Variants in CPXM2 observed in about 807,000 individuals in gnomAD.
CPXM2 encodes carboxypeptidase X, M14 family member 2, also known as inactive carboxypeptidase-like protein X2.
CPXM2 carries 66 observed loss-of-function variants against 86.1 expected under a neutral mutation model. That is an observed-to-expected ratio of 0.77 (90% CI 0.63 to 0.94). The LOEUF is 0.94. Among genes scored for constraint, CPXM2 ranks in the 40% least tolerant of loss-of-function variants. CPXM2 has a pLI of 0.00. For synonymous variants in CPXM2, 388 were observed against 400.2 expected, an observed-to-expected ratio of 0.97 and a Z score of 0.36; for missense variants, 948 against 1,026.3, an observed-to-expected ratio of 0.92 and a Z score of 1.04.
chr10:123,894,142 C>T (rs1945314587), upstream of CPXM2, among the ~76,000 whole-genome samples: 1 of 152,240 alleles, frequency 6.6e-6, no homozygotes, highest in Non-Finnish European at 1.5e-5. Context: ...ACTAACCCTG[C>T]TCTGCTGCCT....
At chr10:123,933,489 G>A (rs1378122432) in intron 2 of CPXM2, among the ~76,000 whole-genome samples, 5 of 152,068 alleles carry the variant, frequency 3.3e-5, no homozygotes, top group Admixed American at 2.0e-4. Context: ...AGGCCAAGGT[G>A]GGCGGGTCAC....
At chr10:123,900,811 C>G (rs1945375423) in intron 2 of CPXM2, among the ~76,000 whole-genome samples, 1 of 152,188 alleles carries the variant, frequency 6.6e-6, no homozygotes, top group Non-Finnish European at 1.5e-5. Flanking sequence ...TACATTAACT[C>G]AGGACACAAG....
intron 7 of CPXM2, among the ~76,000 whole-genome samples, chr10:123,772,397 T>C (rs1169569716): frequency 2.0e-5 from 3 of 151,976 alleles, no homozygotes; most frequent in African/African-American, 7.3e-5. Flanking sequence ...GATCATCACC[T>C]GCCTTGTTCT....
intron 7 of CPXM2, 138 bp from the exon 8 acceptor site, chr10:123,771,177 T>C (rs1846620618): frequency 1.4e-6 from 1 of 736,270 alleles, no homozygotes; most frequent in African/African-American, 1.7e-5. Flanking sequence ...CCCCAGCTGC[T>C]ATCGCCTCTG....
intron 10 of CPXM2, among the ~76,000 whole-genome samples, chr10:123,765,806 C>G (rs937633179): frequency 2.0e-5 from 3 of 152,220 alleles, no homozygotes; most frequent in African/African-American, 7.2e-5. Context: ...CCCTGCTGCT[C>G]CTCCTCCAGT....
chr10:123,870,210 T>A (rs1447746964), intron 2 of CPXM2, among the ~76,000 whole-genome samples: 2 of 151,908 alleles, frequency 1.3e-5, no homozygotes, highest in African/African-American at 4.8e-5. Context: ...TCTTGAGTTA[T>A]AAAATCTCAA....
At chr10:123,924,191 C>G (rs924023078) in intron 2 of CPXM2, among the ~76,000 whole-genome samples, 13 of 152,226 alleles carry the variant, frequency 8.5e-5, no homozygotes, top group African/African-American at 3.1e-4. Context: ...GTGTGTTCTA[C>G]TATGCAGTTA....
chr10:123,901,843 CTGTATTGACCAATCAGGGCTCAGT>C (rs1473959657), intron 2 of CPXM2, among the ~76,000 whole-genome samples: 1 of 152,172 alleles, frequency 6.6e-6, no homozygotes, highest in Non-Finnish European at 1.5e-5. Flanking sequence ...CAAGGCTCAG[CTGTATTGACCAATCAGGGCTCAGT>C]TATATTGACC....
At chr10:123,924,491 G>A (rs947854027) in intron 2 of CPXM2, among the ~76,000 whole-genome samples, 1 of 152,244 alleles carries the variant, frequency 6.6e-6, no homozygotes, top group Non-Finnish European at 1.5e-5. Flanking sequence ...ATAGCCAGAA[G>A]AAGAGGCACA....
intron 2 of CPXM2, among the ~76,000 whole-genome samples, chr10:123,902,766 A>T (rs954376588): frequency 1.3e-5 from 2 of 152,196 alleles, no homozygotes; most frequent in African/African-American, 4.8e-5. Flanking sequence ...GGATTTCAAC[A>T]TATGAATTTG....
At chr10:123,943,872 A>G (rs1467653360), upstream of CPXM2, among the ~76,000 whole-genome samples, 1 of 152,152 alleles carries the variant, frequency 6.6e-6, no homozygotes, top group Non-Finnish European at 1.5e-5. Flanking sequence ...GCCCCATGGA[A>G]TAGAAGGGGG....
chr10:123,768,393 A>G (rs1467049452), intron 9 of CPXM2, 133 bp downstream of exon 9: 1 of 343,868 alleles, frequency 2.9e-6, no homozygotes, highest in Non-Finnish European at 4.5e-6. Context: ...ATAAATAAAT[A>G]AATAAATAAA....
At chr10:123,867,902 G>T (rs1944822102) in intron 2 of CPXM2, among the ~76,000 whole-genome samples, 1 of 152,024 alleles carries the variant, frequency 6.6e-6, no homozygotes, top group Admixed American at 6.5e-5. Context: ...CTCCCCCTTG[G>T]GTTCTCCTGC....
intron 2 of CPXM2, among the ~76,000 whole-genome samples, chr10:123,915,169 C>A (rs1273730466): frequency 6.6e-6 from 1 of 152,226 alleles, no homozygotes; most frequent in African/African-American, 2.4e-5. Context: ...GGTCCTCGCC[C>A]TGCCCTTCAC....
At chr10:123,767,180 G>A (rs1846499781) in intron 9 of CPXM2, 28 bp from the exon 10 acceptor site, 1 of 1,604,672 alleles carries the variant, frequency 6.2e-7, no homozygotes, top group East Asian at 2.2e-5. Context: ...TGTGAAGAAT[G>A]CACAGGCTGC....
intron 4 of CPXM2, among the ~76,000 whole-genome samples, chr10:123,836,676 G>A (rs1054076728): frequency 6.6e-5 from 10 of 152,204 alleles, no homozygotes; most frequent in African/African-American, 2.4e-4. Context: ...TCCCCTGTCT[G>A]CAGAGGACTC....
chr10:123,853,790 A>C (rs61861888), intron 3 of CPXM2, among the ~76,000 whole-genome samples: 3,475 of 152,222 alleles, frequency 0.023, 69 homozygotes, highest in South Asian at 0.088. Flanking sequence ...CTGTAATCCC[A>C]GCTACTCAGG....
At chr10:123,785,688 A>T (rs1161556694) in intron 6 of CPXM2, among the ~76,000 whole-genome samples, 1 of 150,080 alleles carries the variant, frequency 6.7e-6, no homozygotes, top group Admixed American at 6.7e-5. Flanking sequence ...GCTGGAGTAC[A>T]GAGGCGCGAT....
intron 1 of CPXM2, among the ~76,000 whole-genome samples, chr10:123,882,293 G>A (rs1308110604): frequency 1.3e-5 from 2 of 152,180 alleles, no homozygotes; most frequent in Admixed American, 6.5e-5. Flanking sequence ...TGAAACTTCT[G>A]TAAAGGCCAG....
Sources: allele counts gnomAD v4.1 joint callset (sites outside exome capture counted in the v4.1 genomes callset), GRCh38; gene constraint gnomAD v4.1.1; transcripts MANE v1.5; gene names NCBI Gene and HGNC (gene_info 2026-07-23, HGNC 2026-07-21).